WFDC9: variants seen among roughly 807,000 people sequenced by gnomAD.
The protein encoded by WFDC9 is WAP four-disulfide core domain 9, also known as protein WFDC9.
A neutral mutation model predicts 9.5 loss-of-function variants in WFDC9; 9 were observed. The observed-to-expected ratio is 0.95, with a 90% CI of 0.57 to 1.65. WFDC9 has a LOEUF of 1.65. Ranked by LOEUF, WFDC9 falls within the 40% of genes most tolerant of loss-of-function variation. The pLI, the probability that WFDC9 is intolerant of heterozygous loss-of-function variation, is 0.00. For missense variants in WFDC9, 87 were observed against 106.7 expected (o/e 0.82, Z 0.81); for synonymous variants, 33 against 32.3 (o/e 1.02, Z -0.07).
chr20:45,618,744 T>C (rs3092488), intron 1 of WFDC9, among the ~76,000 whole-genome samples: 102,165 of 152,068 alleles, frequency 0.67, 35,281 homozygotes, highest in East Asian at 1. Flanking sequence ...TCATTGATCA[T>C]AGATCACCTT....
At chr20:45,625,052 CT>C (rs1270947898) in intron 1 of WFDC9, among the ~76,000 whole-genome samples, 2 of 152,176 alleles carry the variant, frequency 1.3e-5, no homozygotes, top group Non-Finnish European at 2.9e-5. Context: ...CTACCTGAGA[CT>C]GGGTAATTTA....
intron 1 of WFDC9, among the ~76,000 whole-genome samples, chr20:45,617,093 A>T (rs906087862): frequency 6.6e-6 from 1 of 152,154 alleles, no homozygotes; most frequent in Admixed American, 6.6e-5. Flanking sequence ...TATTGTAGCC[A>T]CCTTCATCAA....
At chr20:45,624,544 A>T (rs1054765302) in intron 1 of WFDC9, among the ~76,000 whole-genome samples, 39 of 152,174 alleles carry the variant, frequency 2.6e-4, no homozygotes, top group African/African-American at 8.9e-4. Context: ...ACATATGTTG[A>T]TATGCTGATT....
At chr20:45,609,031 T>C (rs1397126033) in intron 3 of WFDC9, among the ~76,000 whole-genome samples, 1 of 152,138 alleles carries the variant, frequency 6.6e-6, no homozygotes, top group Non-Finnish European at 1.5e-5. Context: ...CATTTCAGAC[T>C]CTAAAGATAG....
intron 1 of WFDC9, among the ~76,000 whole-genome samples, chr20:45,628,809 A>G (rs1982282178): frequency 6.6e-6 from 1 of 152,216 alleles, no homozygotes; most frequent in South Asian, 2.1e-4. Context: ...AAATCTTTAG[A>G]AGATTATCAT....
intron 4 of WFDC9, 122 bp from the exon 5 acceptor site, chr20:45,608,262 C>T (rs1194401720): frequency 8.8e-6 from 10 of 1,139,362 alleles, no homozygotes; most frequent in African/African-American, 3.1e-5. Context: ...AGAAGTTACC[C>T]ACTTTTAAGC....
chr20:45,623,988 C>T (rs1168233284), intron 1 of WFDC9, among the ~76,000 whole-genome samples: 1 of 151,966 alleles, frequency 6.6e-6, no homozygotes, highest in Non-Finnish European at 1.5e-5. Flanking sequence ...GTCAGGAGTT[C>T]AAGACCAGCC....
intron 1 of WFDC9, among the ~76,000 whole-genome samples, chr20:45,620,316 T>C (rs6073819): frequency 0.088 from 13,363 of 152,184 alleles, 589 homozygotes; most frequent in Middle Eastern, 0.11. Flanking sequence ...ACCTGCTCAA[T>C]TGGGCCGGGT....
chr20:45,631,011 T>A (rs140408245), intron 1 of WFDC9, 192 bp downstream of exon 1: 2 of 1,599,594 alleles, frequency 1.3e-6, no homozygotes, highest in South Asian at 2.3e-5. Flanking sequence ...TGCATGAGCA[T>A]CCTGTGAGTG....
intron 3 of WFDC9, 86 bp downstream of exon 3, chr20:45,610,005 T>C (rs944784209): frequency 9.4e-7 from 1 of 1,060,436 alleles, no homozygotes; most frequent in Non-Finnish European, 1.4e-6. Context: ...CTTTAAAGCC[T>C]GATTCTTGAC....
At chr20:45,611,545 T>C (rs1325002617) in intron 2 of WFDC9, among the ~76,000 whole-genome samples, 1 of 152,104 alleles carries the variant, frequency 6.6e-6, no homozygotes, top group Non-Finnish European at 1.5e-5. Flanking sequence ...GAGGCAAAAA[T>C]ATGCTCACAT....
chr20:45,628,650 T>C (rs146101131), intron 1 of WFDC9, among the ~76,000 whole-genome samples: 39 of 152,212 alleles, frequency 2.6e-4, no homozygotes, highest in African/African-American at 8.7e-4. Flanking sequence ...ATCAGAATTT[T>C]TGAATTATAA....
At chr20:45,612,474 G>C (rs1472995084) in intron 2 of WFDC9, among the ~76,000 whole-genome samples, 1 of 152,038 alleles carries the variant, frequency 6.6e-6, no homozygotes, top group Non-Finnish European at 1.5e-5. Context: ...TGCATAGATG[G>C]TAATCAGTGG....
At chr20:45,612,031 C>G (rs1483771221) in intron 2 of WFDC9, among the ~76,000 whole-genome samples, 1 of 152,074 alleles carries the variant, frequency 6.6e-6, no homozygotes. Flanking sequence ...TTTTCCCCAT[C>G]CATATTACAG....
At position 45,610,205 on chromosome 20, in the gene WFDC9, T is replaced by A. The variant is rs746758290; in HGVS notation, c.-24A>T. On this transcript the variant is annotated 5_prime_UTR_variant, in exon 3 of 5. Coordinates refer to ENST00000326000, the MANE Select transcript of WFDC9 (RefSeq NM_147198.4). ...ATGGTGCTCTCTGTGTGTATTTGGGTTAAGTTCTGGCAGAAGGCAAGTCTT... is the reference window on the plus strand; with the variant it reads ...ATGGTGCTCTCTGTGTGTATTTGGGATAAGTTCTGGCAGAAGGCAAGTCTT... The A allele has an allele frequency of 6.2e-7, 1 of 1,609,096 alleles. No homozygotes were observed. Among genetic ancestry groups the A allele is most frequent in the South Asian group, 1.1e-5 (1 of 90,662 alleles).
chr20:45,609,979 T>A, intron 3 of WFDC9, 112 bp downstream of exon 3: 1 of 773,000 alleles, frequency 1.3e-6, no homozygotes, highest in South Asian at 2.0e-5. Flanking sequence ...TGAATATCTC[T>A]ACTTAAGGAG....
chr20:45,611,201 G>A (rs149308953), intron 2 of WFDC9, among the ~76,000 whole-genome samples: 95 of 152,140 alleles, frequency 6.2e-4, no homozygotes, highest in Middle Eastern at 3.4e-3. Context: ...TTATTGGTCC[G>A]TCCTCCCTCT....
At chr20:45,628,057 T>C (rs921782969) in intron 1 of WFDC9, among the ~76,000 whole-genome samples, 1 of 150,560 alleles carries the variant, frequency 6.6e-6, no homozygotes, top group South Asian at 2.1e-4. Context: ...TTTGAATGTA[T>C]AAAGTATAGA....
intron 2 of WFDC9, among the ~76,000 whole-genome samples, chr20:45,612,191 T>C (rs1048516636): frequency 1.3e-5 from 2 of 152,220 alleles, no homozygotes; most frequent in Admixed American, 1.3e-4. Context: ...CCTCTGGATA[T>C]TTGAAAACTA....
Sources: gnomAD v4.1 joint callset for allele counts (sites outside exome capture counted in the v4.1 genomes callset) on GRCh38, gnomAD v4.1.1 for gene constraint, MANE v1.5 for transcripts, NCBI Gene and HGNC (gene_info 2026-07-23, HGNC 2026-07-21) for gene names.